The following SEC22C variants were observed in gnomAD, a reference collection of about 807,000 sequenced individuals.
SEC22C encodes the protein vesicle-trafficking protein SEC22c.
Under a neutral mutation model 34.7 loss-of-function variants are expected in SEC22C, and 29 were observed. That is an observed-to-expected ratio of 0.84 (90% CI 0.62 to 1.14). SEC22C has a LOEUF of 1.14. Among genes scored for constraint, SEC22C ranks in the 50% most tolerant of loss-of-function variants. SEC22C has a pLI of 0.00. For missense variants in SEC22C, 337 were observed against 369.0 expected, an observed-to-expected ratio of 0.91 and a Z score of 0.71; for synonymous variants, 117 against 132.8, an observed-to-expected ratio of 0.88 and a Z score of 0.82.
intron 4 of SEC22C, 96 bp from the exon 5 acceptor site, chr3:42,557,792 G>A: frequency 3.3e-6 from 2 of 600,662 alleles, no homozygotes; most frequent in Admixed American, 5.5e-5. Context: ...CTAATGATAG[G>A]TTCACTATGT....
At chr3:42,583,710 T>C (rs760151457), upstream of SEC22C, among the ~76,000 whole-genome samples, 1 of 152,176 alleles carries the variant, frequency 6.6e-6, no homozygotes, top group African/African-American at 2.4e-5. Flanking sequence ...TCATCTAATA[T>C]GCGCAGGCAC....
intron 1 of SEC22C, among the ~76,000 whole-genome samples, chr3:42,580,210 C>A (rs1704238657): frequency 6.6e-6 from 1 of 152,052 alleles, no homozygotes. Flanking sequence ...CAAGCCCCTA[C>A]CACATGCACT....
At chr3:42,592,232 CCTCT>C (rs1446030435) in intron 1 of SEC22C, among the ~76,000 whole-genome samples, 1 of 151,600 alleles carries the variant, frequency 6.6e-6, no homozygotes, top group African/African-American at 2.4e-5. Context: ...AGACAGTCTC[CCTCT>C]GTCACCCAGG....
intron 1 of SEC22C, among the ~76,000 whole-genome samples, chr3:42,592,203 C>CT (rs957025945): frequency 3.5e-4 from 52 of 147,244 alleles, no homozygotes; most frequent in Non-Finnish European, 3.0e-4. Flanking sequence ...TTTTTCTTTT[C>CT]TTTTTTTTTT....
chr3:42,594,942 C>G (rs564898896), intron 1 of SEC22C: 1 of 153,386 alleles, frequency 6.5e-6, no homozygotes, highest in African/African-American at 2.4e-5. Context: ...AATGTGGTCC[C>G]CCTGACTGCT....
intron 1 of SEC22C, among the ~76,000 whole-genome samples, chr3:42,570,837 C>A (rs1399651172): frequency 1.3e-5 from 2 of 152,148 alleles, no homozygotes; most frequent in Admixed American, 6.5e-5. Context: ...AAAGCCCTGA[C>A]AGACATAGGG....
At chr3:42,594,685 T>C (rs1249378275) in intron 1 of SEC22C, 1 of 496,834 alleles carries the variant, frequency 2.0e-6, no homozygotes. Context: ...CTAACTTAGC[T>C]GTATTCTCAT....
chr3:42,600,890 C>G lies in SEC22C; in HGVS notation c.-28+70G>C, dbSNP rs1705330935. The G allele has an allele frequency of 1.2e-5, 9 of 743,312 alleles. No individual in the cohort carries two copies. The East Asian group carries it at 3.1e-4, about 26-fold the overall frequency. The allele number at this position is 743,312 out of a possible 1,614,324, so 46.0% of individuals were successfully genotyped here. A position where few individuals can be genotyped will look rare whatever the true frequency, so the allele number is the denominator to read the frequency against. ...GTCGCGACGGGCCGGCGTGAGGCAC[C>G]GTGGCGCGGACTTCGTCTCAGCCCC... On this transcript the variant is annotated intron_variant, in intron 1 of 6. Transcript: ENST00000417572.
chr3:42,559,867 T>G (rs1702765976), intron 4 of SEC22C, among the ~76,000 whole-genome samples: 1 of 152,068 alleles, frequency 6.6e-6, no homozygotes, highest in African/African-American at 2.4e-5. Context: ...AGGCATGGAA[T>G]ATCAGCACAC....
In SEC22C at chr3:42,591,504, T is replaced by G; in HGVS notation, c.-28+9456A>C. Reference sequence around the variant, plus strand: ...CACTGCGCCCGGCCTGCACTGACCCTTTCTTTCTCTGATCTTTCAGCTCCT... The same window carrying G: ...CACTGCGCCCGGCCTGCACTGACCCGTTCTTTCTCTGATCTTTCAGCTCCT... On this transcript the variant is annotated intron_variant, in intron 1 of 6. Transcript: ENST00000417572. 4 of 1,606,082 alleles carry G rather than the reference T, an allele frequency of 2.5e-6. No individual in the cohort carries two copies. In the South Asian group the frequency reaches 3.3e-5, roughly 13 times the overall value.
chr3:42,596,427 C>T (rs987560706), intron 1 of SEC22C, among the ~76,000 whole-genome samples: 1 of 152,236 alleles, frequency 6.6e-6, no homozygotes, highest in East Asian at 1.9e-4. Flanking sequence ...GGCATAATCA[C>T]ACTCTAAAAG....
At chr3:42,555,116 C>T (rs1010939910) in intron 6 of SEC22C, among the ~76,000 whole-genome samples, 1 of 151,946 alleles carries the variant, frequency 6.6e-6, no homozygotes, top group Non-Finnish European at 1.5e-5. Flanking sequence ...GCGGCCGAGG[C>T]GGGTGGATCA....
intron 1 of SEC22C, chr3:42,594,467 T>G (rs1437409963): frequency 6.8e-6 from 11 of 1,613,984 alleles, no homozygotes; most frequent in Non-Finnish European, 7.6e-6. Flanking sequence ...TGGCTACCAT[T>G]GCAGATGCCA....
chr3:42,591,093 G>T, intron 1 of SEC22C: 1 of 1,113,294 alleles, frequency 9.0e-7, no homozygotes, highest in Non-Finnish European at 1.3e-6. Flanking sequence ...AGCAGCCGGG[G>T]TGCGGGGTGA....
In SEC22C at chr3:42,563,507, A is replaced by G. The variant is rs754533168; in HGVS notation, c.346+16T>C. On this transcript the variant is annotated intron_variant, in intron 3 of 6. Coordinates refer to ENST00000264454, the MANE Select transcript of SEC22C (RefSeq NM_032970.4). ...ACCATGGAAGAGAAAAATAAATATGAAAGAGGGTTACAAACCAAACTCAAG... is the reference window on the plus strand; with the variant it reads ...ACCATGGAAGAGAAAAATAAATATGGAAGAGGGTTACAAACCAAACTCAAG... The G allele has an allele frequency of 1.9e-6, 3 of 1,598,322 alleles. No individual in the cohort carries two copies. In the South Asian group the frequency reaches 3.4e-5, roughly 18 times the overall value.
At chr3:42,595,421 C>A (rs1311816813) in intron 1 of SEC22C, among the ~76,000 whole-genome samples, 1 of 152,132 alleles carries the variant, frequency 6.6e-6, no homozygotes, top group Non-Finnish European at 1.5e-5. Context: ...ACTAGTAGAT[C>A]TAGAGGCTCA....
intron 1 of SEC22C, chr3:42,594,903 A>T (rs1704985320): frequency 6.4e-6 from 1 of 157,452 alleles, no homozygotes; most frequent in Non-Finnish European, 1.4e-5. Flanking sequence ...ATGGACATGT[A>T]ACTGTGTGCT....
chr3:42,571,300 A>G (rs1040592181), intron 1 of SEC22C, among the ~76,000 whole-genome samples: 1 of 152,092 alleles, frequency 6.6e-6, no homozygotes, highest in African/African-American at 2.4e-5. Flanking sequence ...CTCAAATATT[A>G]GTATTCAAGA....
At position 42,568,937 on chromosome 3, in the gene SEC22C, A is replaced by G; in HGVS notation, c.110T>C (p.Leu37Pro). 1 of 1,614,210 alleles carries G rather than the reference A, an allele frequency of 6.2e-7. No individual in the cohort carries two copies. Among genetic ancestry groups the G allele is most frequent in the Middle Eastern group, 1.6e-4 (1 of 6,062 alleles). ...TQDFLEWRRR[L>P]KSLALRLAQY... ...GGCCAGTCGCAAGGCTAAACTCTTGAGCCGTCTCCTCCATTCCAAAAAATC... is the reference window on the plus strand; with the variant it reads ...GGCCAGTCGCAAGGCTAAACTCTTGGGCCGTCTCCTCCATTCCAAAAAATC... The change falls in exon 2 of 7, where the codon CTC (leucine) becomes CCC (proline). Residue 37 changes from leucine (L) to proline (P), a missense_variant. Coordinates refer to ENST00000264454, the MANE Select transcript of SEC22C (RefSeq NM_032970.4).
Sources: gnomAD v4.1 joint callset for allele counts (sites outside exome capture counted in the v4.1 genomes callset) on GRCh38, gnomAD v4.1.1 for gene constraint, MANE v1.5 for transcripts, NCBI Gene and HGNC (gene_info 2026-07-23, HGNC 2026-07-21) for gene names.